Variants in CSMD1 observed in about 807,000 individuals in gnomAD.
CSMD1 encodes the protein CUB and sushi domain-containing protein 1.
A neutral mutation model predicts 417.5 loss-of-function variants in CSMD1; 213 were observed. The ratio of observed to expected loss-of-function variants is 0.51; its 90% CI spans 0.46 to 0.57. The LOEUF is 0.57. Among genes scored for constraint, CSMD1 ranks in the 20% least tolerant of loss-of-function variants. The pLI, the probability that CSMD1 is intolerant of heterozygous loss-of-function variation, is 0.00. For missense variants in CSMD1, 6,923 were observed against 4,529.7 expected, an observed-to-expected ratio of 1.53 and a Z score of -15.17; for synonymous variants, 2,862 against 1,736.8, an observed-to-expected ratio of 1.65 and a Z score of -16.11.
intron 2 of CSMD1, among the ~76,000 whole-genome samples, chr8:4,480,200 A>AAC (rs1031489295): frequency 1.3e-5 from 2 of 150,082 alleles, no homozygotes; most frequent in African/African-American, 5.0e-5. Flanking sequence ...AAAAAAAAAA[A>AAC]CAAAAAAAAA....
intron 1 of CSMD1, among the ~76,000 whole-genome samples, chr8:4,824,262 A>C (rs1799686066): frequency 6.6e-6 from 1 of 152,102 alleles, no homozygotes; most frequent in South Asian, 2.1e-4. Context: ...CAACAAGAAA[A>C]TACATGAAAT....
intron 26 of CSMD1, among the ~76,000 whole-genome samples, chr8:3,266,238 T>A (rs1038471342): frequency 6.7e-6 from 1 of 150,282 alleles, no homozygotes. Flanking sequence ...CCCGGGATGA[T>A]CATGAAAACC....
intron 52 of CSMD1, among the ~76,000 whole-genome samples, chr8:3,006,631 T>G (rs1219293796): frequency 6.7e-6 from 1 of 150,256 alleles, no homozygotes; most frequent in Admixed American, 6.6e-5. Flanking sequence ...TATCTACAAC[T>G]ATCTGATCTT....
chr8:4,195,620 G>A (rs894363941), intron 3 of CSMD1, among the ~76,000 whole-genome samples: 4 of 152,154 alleles, frequency 2.6e-5, no homozygotes, highest in African/African-American at 9.7e-5. Flanking sequence ...ATATAAGGCT[G>A]CATCTTGCCT....
At chr8:3,821,110 G>A (rs1209276961) in intron 5 of CSMD1, among the ~76,000 whole-genome samples, 1 of 151,848 alleles carries the variant, frequency 6.6e-6, no homozygotes, top group African/African-American at 2.4e-5. Context: ...TAGAAATGGA[G>A]TTTCACCATG....
In CSMD1 at chr8:3,274,822, C is replaced by G. The variant is rs573028571; in HGVS notation, c.4153+9322G>C. 4.2e-4 allele frequency among the ~76,000 whole-genome samples: 64 copies of G among 152,242 alleles called. 1 individual carries two copies. The highest frequency in any genetic ancestry group is 1.4e-3 in the African/African-American group (57 of 41,544). On this transcript the variant is annotated intron_variant, in intron 26 of 69. Transcript: ENST00000635120. The stretch of plus-strand genomic sequence containing the variant: ...CCTTTCATTTTGAGCCTATGTGTGT[C>G]TGTACCCGTGAGATGTGTTTCCTGA...
At chr8:3,654,336 T>G (rs938401201) in intron 7 of CSMD1, among the ~76,000 whole-genome samples, 1 of 152,186 alleles carries the variant, frequency 6.6e-6, no homozygotes, top group Non-Finnish European at 1.5e-5. Context: ...TACTAGAGTT[T>G]GAAAAGTTTG....
intron 3 of CSMD1, among the ~76,000 whole-genome samples, chr8:4,210,099 G>A (rs150822217): frequency 3.9e-5 from 6 of 152,300 alleles, no homozygotes; most frequent in African/African-American, 1.4e-4. Flanking sequence ...TGTACCAGGA[G>A]AGCTCCTGAT....
chr8:4,178,308 A>G (rs566346156), intron 3 of CSMD1, among the ~76,000 whole-genome samples: 112 of 151,922 alleles, frequency 7.4e-4, no homozygotes, highest in African/African-American at 2.4e-3. Context: ...TCCAGCATAT[A>G]AACAGAACCA....
At chr8:4,446,755 CTGTGTGTGTGTGTGTGTGTGTGTG>C (rs58002310) in intron 2 of CSMD1, among the ~76,000 whole-genome samples, 2 of 133,020 alleles carry the variant, frequency 1.5e-5, no homozygotes, top group South Asian at 2.4e-4. Flanking sequence ...GTGTGTGTGT[CTGTGTGTGTGTGTGTGTGTGTGTG>C]TGTGTGTGTG....
chr8:4,079,293 G>T (rs1165548766), intron 3 of CSMD1, among the ~76,000 whole-genome samples: 3 of 152,148 alleles, frequency 2.0e-5, no homozygotes, highest in South Asian at 4.1e-4. Context: ...TGTACCATGA[G>T]CAGATAAACA....
chr8:4,810,526 CGTGT>C (rs34993933), intron 1 of CSMD1, among the ~76,000 whole-genome samples: 10 of 151,506 alleles, frequency 6.6e-5, no homozygotes, highest in East Asian at 1.9e-4. Flanking sequence ...GTAAAATACA[CGTGT>C]GTGTGTGTGT....
intron 3 of CSMD1, among the ~76,000 whole-genome samples, chr8:4,177,087 A>C (rs950905624): frequency 1.3e-5 from 2 of 152,186 alleles, no homozygotes; most frequent in African/African-American, 2.4e-5. Flanking sequence ...GACCTAATAG[A>C]CATCTACAGA....
chr8:3,212,507 T>C (rs10099500), intron 30 of CSMD1, among the ~76,000 whole-genome samples: 82,255 of 151,794 alleles, frequency 0.54, 22,632 homozygotes, highest in African/African-American at 0.65. Context: ...AGCCACCACA[T>C]CCAGCTAAGT....
At chr8:3,440,490 T>A (rs1397419147) in intron 12 of CSMD1, among the ~76,000 whole-genome samples, 2 of 152,216 alleles carry the variant, frequency 1.3e-5, no homozygotes, top group African/African-American at 4.8e-5. Context: ...TTGTTGTTGT[T>A]CATCCTGTAT....
At position 4,400,732 on chromosome 8, in the gene CSMD1, T is replaced by A. The variant is rs191305549; in HGVS notation, c.415+19221A>T. On this transcript the variant is annotated intron_variant, in intron 3 of 69. Coordinates refer to ENST00000635120, the MANE Select transcript of CSMD1 (RefSeq NM_033225.6). Reference sequence around the variant, plus strand: ...TTAATGGACACTTTGTTTCTAAGAGTTTCTCTCTAATAGAGTGCATACAGA... The same window carrying A: ...TTAATGGACACTTTGTTTCTAAGAGATTCTCTCTAATAGAGTGCATACAGA... 6.9e-3 allele frequency among the ~76,000 whole-genome samples: 1,053 copies of A among 152,118 alleles called. 5 individuals are homozygous for A. The highest frequency in any genetic ancestry group is 0.017 in the Middle Eastern group (5 of 294).
chr8:2,946,604 G>T (rs1434904135), intron 68 of CSMD1, among the ~76,000 whole-genome samples: 1 of 152,122 alleles, frequency 6.6e-6, no homozygotes, highest in Non-Finnish European at 1.5e-5. Context: ...ATATTCCATT[G>T]TATGGCTATA....
chr8:4,383,526 T>A (rs1050459742), intron 3 of CSMD1, among the ~76,000 whole-genome samples: 1 of 152,184 alleles, frequency 6.6e-6, no homozygotes, highest in African/African-American at 2.4e-5. Flanking sequence ...CCCTGGCTAT[T>A]GCAGACAGGT....
rs187791825 is a variant in CSMD1, at chr8:4,438,794, A to C, written c.303-18729T>G. 4.6e-5 allele frequency among the ~76,000 whole-genome samples: 7 copies of C among 152,326 alleles called. No homozygotes were observed. In the East Asian group the frequency reaches 1.4e-3, roughly 29 times the overall value. On this transcript the variant is annotated intron_variant, in intron 2 of 69. Coordinates refer to ENST00000635120, the MANE Select transcript of CSMD1 (RefSeq NM_033225.6). Reference sequence around the variant, plus strand: ...CTGAATCACAAGTGCTTGAAGGATCAAAAGATTTGCTTATTATTCAAGATC... The same window carrying C: ...CTGAATCACAAGTGCTTGAAGGATCCAAAGATTTGCTTATTATTCAAGATC...
Sources: allele counts gnomAD v4.1 joint callset (sites outside exome capture counted in the v4.1 genomes callset), GRCh38; gene constraint gnomAD v4.1.1; transcripts MANE v1.5; gene names NCBI Gene and HGNC (gene_info 2026-07-23, HGNC 2026-07-21).